The following SLIT3 variants were observed in gnomAD, a reference collection of about 807,000 sequenced individuals.
SLIT3 encodes slit guidance ligand 3, also known as slit homolog 3 protein.
Under a neutral mutation model 184.0 loss-of-function variants are expected in SLIT3, and 68 were observed. That is an observed-to-expected ratio of 0.37 (90% CI 0.30 to 0.45). The LOEUF (loss-of-function observed/expected upper bound fraction) is 0.45, where lower values mean the gene tolerates loss of function less well. Among genes scored for constraint, SLIT3 ranks in the 20% least tolerant of loss-of-function variants. SLIT3 has a pLI of 1.00. For missense variants in SLIT3, 1,707 were observed against 2,026.0 expected, an observed-to-expected ratio of 0.84 and a Z score of 3.02; for synonymous variants, 831 against 828.6, an observed-to-expected ratio of 1.00 and a Z score of -0.05.
Position 168,662,140 on chromosome 5 carries a change from T to G in SLIT3, c.*4314A>C, listed in dbSNP as rs1315163373. 1 of 152,226 alleles carries G rather than the reference T, an allele frequency of 6.6e-6. No individual in the cohort carries two copies. Among genetic ancestry groups the G allele is most frequent in the African/African-American group, 2.4e-5 (1 of 41,454 alleles). 9.4% of individuals were successfully genotyped at this position (152,226 alleles called of 1,614,324 possible). ...TCCACTGTGGGGTAGCAGGAAGAAC[T>G]TTGGCCTGGGTGGACACATGGGGTT... On this transcript the variant is annotated 3_prime_UTR_variant, in exon 36 of 36. Transcript: ENST00000519560.
At position 168,842,720 on chromosome 5, in the gene SLIT3, C is replaced by G. The variant is rs537740296; in HGVS notation, c.557+1864G>C. ...CTGGCTGTAAAGCCCTCTCTTCTCC[C>G]TCAGACTGCCTTCCTGGTGAGGTAA... is the stretch of plus-strand genomic sequence containing the variant. On this transcript the variant is annotated intron_variant, in intron 6 of 35. Coordinates refer to ENST00000519560, the MANE Select transcript of SLIT3 (RefSeq NM_003062.4). 3.9e-5 allele frequency among the ~76,000 whole-genome samples: 6 copies of G among 152,194 alleles called. No individual in the cohort carries two copies. In the South Asian group the frequency reaches 1.2e-3, roughly 32 times the overall value.
At chr5:169,185,243 G>A (rs1419866177) in intron 4 of SLIT3, among the ~76,000 whole-genome samples, 4 of 152,200 alleles carry the variant, frequency 2.6e-5, no homozygotes, top group Non-Finnish European at 5.9e-5. Flanking sequence ...TTCAGCGTTT[G>A]GGGGAACAAG....
At chr5:168,718,195 T>A (rs745914709) in intron 23 of SLIT3, 3 of 137,476 alleles carry the variant, frequency 2.2e-5, no homozygotes, top group Non-Finnish European at 4.7e-5. Flanking sequence ...GGTAAGGGAG[T>A]GATCTCTTTG....
Position 168,753,997 on chromosome 5 carries a change from T to C in SLIT3, c.1696A>G (p.Asn566Asp). The C allele has an allele frequency of 6.3e-7, 1 of 1,587,114 alleles. No homozygotes were observed. Among genetic ancestry groups the C allele is most frequent in the Non-Finnish European group, 8.5e-7 (1 of 1,169,938 alleles). The change falls in exon 17 of 36, where the codon AAC becomes GAC. Residue 566 changes from asparagine (N) to aspartate (D), a missense_variant. Physicochemically the swap from Asn to Asp is conservative, Grantham distance 23 (BLOSUM62 1). Coordinates refer to ENST00000519560, the MANE Select transcript of SLIT3 (RefSeq NM_003062.4). ...LPNLRKINLS[N>D]NKIKEVREGA... ...TCTCGCACCTCCTTGATCTTATTGT[T>C]ACTCAGATTTCTAGAAGGAAGAAAC...
At chr5:168,844,896 A>ATTTTT (rs34420406) in intron 5 of SLIT3, 22 of 230,950 alleles carry the variant, frequency 9.5e-5, no homozygotes, top group African/African-American at 3.6e-4. Context: ...TTAATTGCGC[A>ATTTTT]TTTTTTTTTT....
intron 23 of SLIT3, among the ~76,000 whole-genome samples, chr5:168,719,497 G>T (rs1762867619): frequency 6.6e-6 from 1 of 152,148 alleles, no homozygotes; most frequent in Non-Finnish European, 1.5e-5. Flanking sequence ...ATATATACAA[G>T]TTAGGTTTAT....
intron 34 of SLIT3, 99 bp downstream of exon 34, chr5:168,671,099 A>C (rs1582510738): frequency 1.5e-6 from 2 of 1,362,668 alleles, no homozygotes; most frequent in Non-Finnish European, 2.0e-6. Context: ...TCTGACTGCA[A>C]CTCCTCCAGC....
At chr5:169,071,538 C>A (rs13175145) in intron 4 of SLIT3, among the ~76,000 whole-genome samples, 6,155 of 152,208 alleles carry the variant, frequency 0.04, 171 homozygotes, top group Middle Eastern at 0.095. Flanking sequence ...ATTATGAGAG[C>A]TTTTTCTCAC....
intron 23 of SLIT3, chr5:168,720,368 TCACCCCCAC>T (rs148674501): frequency 0.24 from 35,802 of 151,962 alleles, 5,153 homozygotes; most frequent in South Asian, 0.37. Context: ...GTTCACCCCA[TCACCCCCAC>T]CACCCCAAAA....
At chr5:168,778,045 G>A (rs1363901284) in intron 12 of SLIT3, among the ~76,000 whole-genome samples, 2 of 152,188 alleles carry the variant, frequency 1.3e-5, no homozygotes, top group African/African-American at 4.8e-5. Flanking sequence ...TTTCACCGGA[G>A]GGATGGATTC....
intron 4 of SLIT3, among the ~76,000 whole-genome samples, chr5:169,191,926 C>T (rs1052500930): frequency 8.5e-5 from 13 of 152,182 alleles, no homozygotes; most frequent in African/African-American, 3.1e-4. Context: ...GGTACCTTCC[C>T]TTTGCCTTTA....
At chr5:169,152,501 CAA>C (rs903393999) in intron 4 of SLIT3, among the ~76,000 whole-genome samples, 2 of 152,182 alleles carry the variant, frequency 1.3e-5, no homozygotes, top group African/African-American at 4.8e-5. Flanking sequence ...TCTTCGGGGG[CAA>C]AGTGTCTGGG....
intron 4 of SLIT3, among the ~76,000 whole-genome samples, chr5:168,980,461 T>C (rs1443583665): frequency 1.3e-5 from 2 of 152,162 alleles, no homozygotes; most frequent in Non-Finnish European, 2.9e-5. Flanking sequence ...ACAAGGAAAT[T>C]GAGGCTCAGA....
In SLIT3 at chr5:168,697,851, A is replaced by G. The variant is rs116286730; in HGVS notation, c.2943-1420T>C. Among the ~76,000 whole-genome samples the G allele has an allele frequency of 5.2e-3, 793 of 152,306 alleles. 12 individuals carry two copies. The highest frequency in any genetic ancestry group is 0.018 in the African/African-American group (746 of 41,564). On this transcript the variant is annotated intron_variant, in intron 27 of 35. Coordinates refer to ENST00000519560, the MANE Select transcript of SLIT3 (RefSeq NM_003062.4). ...GGTAGGTTTCTGAAAGTCCTAAACC[A>G]TGGTGTTGCCCATTTGTTTTTCTAA...
intron 4 of SLIT3, chr5:168,995,718 C>G (rs1409268804): frequency 6.6e-6 from 1 of 152,280 alleles, no homozygotes; most frequent in Non-Finnish European, 1.5e-5. Context: ...CCGATGGCAG[C>G]TTCCCCTGCT....
At chr5:168,697,792 A>G (rs768552773) in intron 27 of SLIT3, among the ~76,000 whole-genome samples, 26 of 152,196 alleles carry the variant, frequency 1.7e-4, no homozygotes, top group Admixed American at 5.2e-4. Flanking sequence ...CTGGGCACTC[A>G]TGAAAAAGGC....
intron 4 of SLIT3, among the ~76,000 whole-genome samples, chr5:168,939,105 G>A (rs560734744): frequency 1.3e-3 from 198 of 152,262 alleles, no homozygotes; most frequent in African/African-American, 4.5e-3. Context: ...AGAAGCATGC[G>A]AGGAACCGGA....
chr5:169,092,956 T>C (rs980774853), intron 4 of SLIT3, among the ~76,000 whole-genome samples: 2 of 152,168 alleles, frequency 1.3e-5, no homozygotes, highest in Non-Finnish European at 2.9e-5. Context: ...TCTAAGTGGA[T>C]GGAGGAAGTG....
intron 5 of SLIT3, among the ~76,000 whole-genome samples, chr5:168,851,058 T>TCA (rs1396181798): frequency 3.9e-5 from 6 of 152,146 alleles, no homozygotes; most frequent in African/African-American, 1.4e-4. Context: ...GTGCAGCGGT[T>TCA]CACGCCTGTG....
Sources: allele counts gnomAD v4.1 joint callset (sites outside exome capture counted in the v4.1 genomes callset), GRCh38; gene constraint gnomAD v4.1.1; transcripts MANE v1.5; gene names NCBI Gene and HGNC (gene_info 2026-07-23, HGNC 2026-07-21).